COL6A6: variants seen among roughly 807,000 people sequenced by gnomAD.
The protein encoded by COL6A6 is collagen type VI alpha 6 chain.
In COL6A6, 183 loss-of-function variants were observed where a neutral mutation model predicts 208.6. That is an observed-to-expected ratio of 0.88 (90% confidence interval 0.78 to 0.99). The LOEUF (loss-of-function observed/expected upper bound fraction) is 0.99, where lower values mean the gene tolerates loss of function less well. Among genes scored for constraint, COL6A6 ranks in the 50% least tolerant of loss-of-function variants. The pLI is 0.00. For synonymous variants in COL6A6, 973 were observed against 1,011.8 expected (o/e 0.96, Z 0.73); for missense variants, 2,816 against 2,815.2 (o/e 1.00, Z -0.01).
rs59750509 is a variant in COL6A6, at chr3:130,533,253, TA to T, written c.-32+15875del. On this transcript the variant is annotated intron_variant, in intron 1 of 36. Coordinates refer to ENST00000358511, the MANE Select transcript of COL6A6 (RefSeq NM_001102608.3). ...TTTCATAGCCTTACATCCCAGGAAT[TA>T]AAAAAAAAAAAAAAAAAAGCAAAAA... 7.7e-3 allele frequency among the ~76,000 whole-genome samples: 994 copies of T among 129,470 alleles called. 7 individuals carry two copies. The highest frequency in any genetic ancestry group is 0.019 in the East Asian group (84 of 4,448). 84.9% of individuals were successfully genotyped at this position (129,470 alleles called of 152,430 possible).
chr3:130,673,108 G>A (rs1387549042), intron 36 of COL6A6, among the ~76,000 whole-genome samples: 1 of 148,718 alleles, frequency 6.7e-6, no homozygotes, highest in East Asian at 2.0e-4. Context: ...GAACCCGGGA[G>A]GCAGAGGTTG....
chr3:130,519,431 T>G (rs773924672), intron 1 of COL6A6, among the ~76,000 whole-genome samples: 25 of 152,260 alleles, frequency 1.6e-4, no homozygotes, highest in Non-Finnish European at 5.9e-5. Context: ...TACTCATTCC[T>G]ACAGTCCTAA....
Position 130,634,624 on chromosome 3 carries a change from A to G in COL6A6, c.5027A>G (p.Lys1676Arg). The G allele has an allele frequency of 6.2e-7, 1 of 1,606,998 alleles. No individual in the cohort carries two copies. The highest frequency in any genetic ancestry group is 1.1e-5 in the South Asian group (1 of 89,156). Reference protein sequence around the residue: ...QEGFPGESGPKGEIGDPGGPG... With the variant: ...QEGFPGESGPRGEIGDPGGPG... ...GGATTCCCTGGAGAAAGTGGACCTA[A>G]GGTACCGTGTGCTTCCTAGTAACTA... is the stretch of plus-strand genomic sequence containing the variant. The change falls in exon 27 of 37, where the codon AAG becomes AGG. Residue 1676 changes from lysine to arginine, a missense_variant and splice_region_variant. Transcript: ENST00000358511.
In COL6A6 at chr3:130,601,759, T is replaced by C. The variant is rs76676373; in HGVS notation, c.4653+1949T>C. On this transcript the variant is annotated intron_variant, in intron 20 of 36. Transcript: ENST00000358511. ...CTGTTTTCACACTATTCCTCTTACG[T>C]GCATCTCACCAAAAGCAACAAAAGA... Among the ~76,000 whole-genome samples the C allele has an allele frequency of 3.9e-3, 589 of 152,292 alleles. 5 individuals carry two copies. Among genetic ancestry groups the C allele is most frequent in the African/African-American group, 0.013 (561 of 41,560 alleles).
In COL6A6 at chr3:130,661,936, A is replaced by G. The variant is rs933387049; in HGVS notation, c.6130A>G (p.Met2044Val). 2 of 1,614,012 alleles carry G rather than the reference A, an allele frequency of 1.2e-6. No individual in the cohort carries two copies. The highest frequency in any genetic ancestry group is 1.7e-6 in the Non-Finnish European group (2 of 1,179,872). The change falls in exon 35 of 37, where the codon ATG (methionine) becomes GTG (valine). Residue 2044 changes from methionine to valine, a missense_variant. Physicochemically the swap from Met to Val is conservative, Grantham distance 21. Transcript: ENST00000358511. Reference sequence around the variant, plus strand: ...TACCACCTACAGAAGTAAGCGCCTCATGAAGAGGCATGTGCACGAGTCAGT... The same window carrying G: ...TACCACCTACAGAAGTAAGCGCCTCGTGAAGAGGCATGTGCACGAGTCAGT... Reference protein sequence around the residue: ...NLTTYRSKRLMKRHVHESVKQ... With the variant: ...NLTTYRSKRLVKRHVHESVKQ...
chr3:130,637,324 A>G lies in COL6A6; in HGVS notation c.5091+1563A>G, dbSNP rs1238459501. On this transcript the variant is annotated intron_variant, in intron 28 of 36. Transcript: ENST00000358511. ...ATTTCCCTTGGCTTATTAATTAAGA[A>G]GTTTAACCTTGAACATCAGAAGCAC... Among the ~76,000 whole-genome samples the G allele has an allele frequency of 9.2e-4, 139 of 151,638 alleles. 1 individual carries two copies. Among genetic ancestry groups the G allele is most frequent in the Non-Finnish European group, 7.4e-5 (5 of 67,946 alleles).
At chr3:130,647,461 C>T (rs142977221) in intron 32 of COL6A6, among the ~76,000 whole-genome samples, 237 of 152,202 alleles carry the variant, frequency 1.6e-3, no homozygotes, top group Middle Eastern at 6.8e-3. Context: ...CTTTTTTAAA[C>T]GATAAAAGTG....
At chr3:130,656,211 G>A (rs1435990153) in intron 33 of COL6A6, among the ~76,000 whole-genome samples, 3 of 152,254 alleles carry the variant, frequency 2.0e-5, no homozygotes, top group Non-Finnish European at 4.4e-5. Context: ...TTTCAGCCCT[G>A]TGTGTGTTAC....
intron 1 of COL6A6, among the ~76,000 whole-genome samples, chr3:130,522,005 C>T (rs2107666443): frequency 6.6e-6 from 1 of 152,292 alleles, no homozygotes; most frequent in South Asian, 2.1e-4. Flanking sequence ...TGAATGAATT[C>T]TTGTCCAGGG....
chr3:130,531,405 G>GA (rs1351072240), intron 1 of COL6A6, among the ~76,000 whole-genome samples: 1 of 152,144 alleles, frequency 6.6e-6, no homozygotes, highest in Non-Finnish European at 1.5e-5. Flanking sequence ...ACTGGGAATG[G>GA]AAAATCTCCA....
rs1442752051 is a variant in COL6A6 at position 130,592,553 on chromosome 3, G to A, written c.4285G>A (p.Ala1429Thr). Residue 1429 changes from alanine to threonine, a missense_variant, in exon 14 of 37, where the codon GCC (alanine) becomes ACC (threonine). Ala to Thr is a moderately conservative substitution (Grantham distance 58). Coordinates refer to ENST00000358511, the MANE Select transcript of COL6A6 (RefSeq NM_001102608.3). ...GEEGIAGERG[A>T]PGPVGEQGTK... ...TGCCCTTTCTCAGGGAGAAAGAGGA[G>A]CCCCTGGACCAGTGGGAGAGCAAGG... 1 of 1,604,754 alleles carries A rather than the reference G, an allele frequency of 6.2e-7. No individual in the cohort carries two copies. Among genetic ancestry groups the A allele is most frequent in the Non-Finnish European group, 8.5e-7 (1 of 1,174,364 alleles).
At chr3:130,620,566 TC>T (rs2064684167) in intron 23 of COL6A6, among the ~76,000 whole-genome samples, 1 of 152,106 alleles carries the variant, frequency 6.6e-6, no homozygotes, top group African/African-American at 2.4e-5. Flanking sequence ...TTGAGAGCTA[TC>T]TATGGAGGGT....
intron 1 of COL6A6, among the ~76,000 whole-genome samples, chr3:130,547,567 C>G (rs1328463922): frequency 6.6e-6 from 1 of 152,214 alleles, no homozygotes; most frequent in Non-Finnish European, 1.5e-5. Context: ...ATGCCGAGGC[C>G]GAGGAGGGGC....
intron 29 of COL6A6, among the ~76,000 whole-genome samples, chr3:130,642,370 G>C (rs1023034502): frequency 2.0e-5 from 3 of 151,770 alleles, no homozygotes; most frequent in Non-Finnish European, 4.4e-5. Context: ...ACAAATGATG[G>C]GAACAGATTA....
At chr3:130,616,113 G>A (rs536049144) in intron 23 of COL6A6, among the ~76,000 whole-genome samples, 1 of 151,978 alleles carries the variant, frequency 6.6e-6, no homozygotes, top group Non-Finnish European at 1.5e-5. Context: ...GGATGAATGG[G>A]GTCACAAAGT....
In COL6A6 at chr3:130,634,592, A is replaced by G. The variant is rs538119339; in HGVS notation, c.4995A>G (p.Gly1665=). Residue 1665 remains glycine (G), a splice_region_variant and synonymous_variant, in exon 27 of 37, where the codon GGA becomes GGG. Transcript: ENST00000358511. ...YGSVGRKGAK[G]QEGFPGESGP... ...ATCTTTCCTCCTGTCCATTACAGGG[A>G]CAAGAAGGATTCCCTGGAGAAAGTG... 1 of 1,606,790 alleles carries G rather than the reference A, an allele frequency of 6.2e-7. No homozygotes were observed. Among genetic ancestry groups the G allele is most frequent in the East Asian group, 2.2e-5 (1 of 44,742 alleles).
intron 1 of COL6A6, among the ~76,000 whole-genome samples, chr3:130,536,518 G>A (rs1441967089): frequency 1.3e-5 from 2 of 152,232 alleles, no homozygotes; most frequent in Non-Finnish European, 2.9e-5. Flanking sequence ...AAATAATAGT[G>A]ATTGGGAGTA....
intron 28 of COL6A6, 51 bp from the exon 29 acceptor site, chr3:130,641,601 C>A: frequency 1.2e-6 from 1 of 852,168 alleles, no homozygotes; most frequent in Non-Finnish European, 1.8e-6. Flanking sequence ...AATTTACACA[C>A]ACACATACAT....
chr3:130,637,525 C>G (rs2065193268), intron 28 of COL6A6, among the ~76,000 whole-genome samples: 1 of 152,122 alleles, frequency 6.6e-6, no homozygotes, highest in Non-Finnish European at 1.5e-5. Context: ...TCCACCCACC[C>G]AGCTACTTTT....
Sources: gnomAD v4.1 joint callset for allele counts (sites outside exome capture counted in the v4.1 genomes callset) on GRCh38, gnomAD v4.1.1 for gene constraint, MANE v1.5 for transcripts, NCBI Gene and HGNC (gene_info 2026-07-23, HGNC 2026-07-21) for gene names.